IGF1: variants seen among roughly 807,000 people sequenced by gnomAD.
IGF1 encodes insulin like growth factor 1.
In IGF1, 4 loss-of-function variants were observed where a neutral mutation model predicts 13.8. The observed-to-expected ratio is 0.29, with a 90% CI of 0.14 to 0.66. The LOEUF is 0.66. IGF1 is among the 30% of genes least tolerant of loss of function. IGF1 has a pLI of 0.78. For missense variants in IGF1, 124 were observed against 188.5 expected (o/e 0.66, Z 2.00); for synonymous variants, 76 against 72.6 (o/e 1.05, Z -0.23).
intron 2 of IGF1, among the ~76,000 whole-genome samples, chr12:102,435,656 C>T (rs944104792): frequency 1.3e-5 from 2 of 152,208 alleles, no homozygotes; most frequent in Non-Finnish European, 2.9e-5. Flanking sequence ...GGCAAGACTT[C>T]TCCACCCACA....
At chr12:102,449,590 C>T (rs1233221598) in intron 2 of IGF1, among the ~76,000 whole-genome samples, 2 of 150,236 alleles carry the variant, frequency 1.3e-5, no homozygotes, top group Non-Finnish European at 3.0e-5. Context: ...TTTCTGTTTG[C>T]AGAACAGGAA....
chr12:102,418,767 G>A (rs1378394051), intron 3 of IGF1, among the ~76,000 whole-genome samples: 1 of 152,164 alleles, frequency 6.6e-6, no homozygotes, highest in Admixed American at 6.5e-5. Flanking sequence ...TGCATCAGAT[G>A]TTTTATGTAC....
Position 102,441,906 on chromosome 12 carries a change from GCTTCTTCTCCTT to G in IGF1, c.221-22228_221-22217del, listed in dbSNP as rs1391547416. 6.1e-4 allele frequency among the ~76,000 whole-genome samples: 61 copies of G among 100,346 alleles called. 1 individual carries two copies. Among genetic ancestry groups the G allele is most frequent in the African/African-American group, 2.3e-3 (58 of 25,468 alleles). 65.8% of individuals were successfully genotyped at this position (100,346 alleles called of 152,430 possible). ...GAGCACTAAGTCATTCTATTACACTGCTTCTTCTCCTTCTTCTTCTTCTTCTTCTTCTTCTTC... is the reference window on the plus strand; with the variant it reads ...GAGCACTAAGTCATTCTATTACACTGCTTCTTCTTCTTCTTCTTCTTCTTC... On this transcript the variant is annotated intron_variant, in intron 2 of 3. Transcript: ENST00000337514.
In IGF1 at chr12:102,461,927, C is replaced by T. The variant is rs545718980; in HGVS notation, c.220+13716G>A. On this transcript the variant is annotated intron_variant, in intron 2 of 3. Transcript: ENST00000337514. The stretch of plus-strand genomic sequence containing the variant: ...ACTCTGTCTTATCAAATGTGAGCCA[C>T]GAATTAGCAAGTACCTCTTACTTCC... Among the ~76,000 whole-genome samples, 13 of 152,314 alleles carry T rather than the reference C, an allele frequency of 8.5e-5. 1 individual carries two copies. Among genetic ancestry groups the T allele is most frequent in the Admixed American group, 2.0e-4 (3 of 15,308 alleles).
intron 1 of IGF1, 41 bp downstream of exon 1, chr12:102,480,278 A>G: frequency 1.3e-6 from 2 of 1,582,650 alleles, no homozygotes; most frequent in South Asian, 1.1e-5. Flanking sequence ...CACAATTTAA[A>G]TAGAATTCCC....
chr12:102,415,701 A>C (rs1875084516), intron 3 of IGF1: 1 of 151,862 alleles, frequency 6.6e-6, no homozygotes, highest in African/African-American at 2.4e-5. Context: ...AGTTTATTCA[A>C]ACCTTTCCAC....
intron 2 of IGF1, among the ~76,000 whole-genome samples, chr12:102,457,583 A>G (rs1351076218): frequency 6.6e-6 from 1 of 152,230 alleles, no homozygotes; most frequent in African/African-American, 2.4e-5. Context: ...CAGAGAGTAC[A>G]TGAAGGTGTA....
intron 3 of IGF1, among the ~76,000 whole-genome samples, chr12:102,416,320 A>G (rs912488171): frequency 3.3e-5 from 5 of 152,182 alleles, no homozygotes. Flanking sequence ...TTTATTATCT[A>G]TGAAGACCCC....
intron 3 of IGF1, among the ~76,000 whole-genome samples, chr12:102,411,574 A>G (rs1874642746): frequency 6.6e-6 from 1 of 152,162 alleles, no homozygotes; most frequent in African/African-American, 2.4e-5. Context: ...TTTGGGTTTG[A>G]TGTAAAATTT....
intron 1 of IGF1, among the ~76,000 whole-genome samples, chr12:102,477,997 C>CTT (rs66470486): frequency 1.6e-5 from 2 of 127,504 alleles, no homozygotes; most frequent in African/African-American, 5.7e-5. Flanking sequence ...TTCTCTTTTT[C>CTT]TTTTTTTTTT....
intron 2 of IGF1, among the ~76,000 whole-genome samples, chr12:102,439,278 T>C (rs1877499490): frequency 6.6e-6 from 1 of 152,222 alleles, no homozygotes; most frequent in South Asian, 2.1e-4. Context: ...ATGAGTGCTA[T>C]TCAGGCCCTT....
chr12:102,474,821 C>T (rs1032643912), intron 2 of IGF1, among the ~76,000 whole-genome samples: 2 of 152,156 alleles, frequency 1.3e-5, no homozygotes, highest in Non-Finnish European at 2.9e-5. Flanking sequence ...GATCAGTTCC[C>T]ACAGGAATCA....
At chr12:102,478,640 A>G (rs1181997567) in intron 1 of IGF1, 2 of 1,452,470 alleles carry the variant, frequency 1.4e-6, no homozygotes, top group Admixed American at 2.3e-5. Context: ...TTGGACACCC[A>G]GGCAGGTATG....
chr12:102,411,167 A>T (rs1267652397), intron 3 of IGF1, among the ~76,000 whole-genome samples: 1 of 152,250 alleles, frequency 6.6e-6, no homozygotes. Flanking sequence ...AACAGTAATT[A>T]TACTATGCAT....
At chr12:102,441,429 A>G (rs1489075899) in intron 2 of IGF1, among the ~76,000 whole-genome samples, 1 of 151,992 alleles carries the variant, frequency 6.6e-6, no homozygotes. Flanking sequence ...GGCACTCATG[A>G]CTCTCCTGCT....
At chr12:102,425,445 C>T (rs934985445) in intron 2 of IGF1, among the ~76,000 whole-genome samples, 5 of 152,186 alleles carry the variant, frequency 3.3e-5, no homozygotes, top group African/African-American at 1.2e-4. Flanking sequence ...CCCCCACCCT[C>T]ACTACTCAGC....
chr12:102,417,011 G>A (rs1252413668), intron 3 of IGF1, among the ~76,000 whole-genome samples: 2 of 152,108 alleles, frequency 1.3e-5, no homozygotes, highest in African/African-American at 2.4e-5. Flanking sequence ...GAAGAAGGAG[G>A]CCACCTACAA....
intron 2 of IGF1, among the ~76,000 whole-genome samples, chr12:102,469,827 C>T (rs1880577120): frequency 6.6e-6 from 1 of 151,978 alleles, no homozygotes; most frequent in Non-Finnish European, 1.5e-5. Context: ...ATAATCTTTG[C>T]CCACCAAAAG....
At chr12:102,422,021 G>A (rs1875768664) in intron 2 of IGF1, among the ~76,000 whole-genome samples, 3 of 149,622 alleles carry the variant, frequency 2.0e-5, no homozygotes, top group Admixed American at 6.7e-5. Flanking sequence ...CATCATCACA[G>A]CAAAAAAAAT....
Sources: gnomAD v4.1 joint callset for allele counts (sites outside exome capture counted in the v4.1 genomes callset) on GRCh38, gnomAD v4.1.1 for gene constraint, MANE v1.5 for transcripts, NCBI Gene and HGNC (gene_info 2026-07-23, HGNC 2026-07-21) for gene names.